Variants in DNAAF9 observed in about 807,000 individuals in gnomAD.
The protein encoded by DNAAF9 is shulin.
DNAAF9 carries 90 observed loss-of-function variants against 167.0 expected under a neutral mutation model. The ratio of observed to expected loss-of-function variants is 0.54; its 90% confidence interval spans 0.45 to 0.64. DNAAF9 has a LOEUF of 0.64. Ranked by LOEUF, DNAAF9 falls within the 30% of genes least tolerant of loss-of-function variation. The pLI, the probability that DNAAF9 is intolerant of heterozygous loss-of-function variation, is 0.00. For missense variants in DNAAF9, 1,315 were observed against 1,442.2 expected (o/e 0.91, Z 1.43); for synonymous variants, 491 against 508.8 (o/e 0.96, Z 0.47).
intron 29 of DNAAF9, among the ~76,000 whole-genome samples, chr20:3,271,655 C>CT (rs2068595336): frequency 6.8e-6 from 1 of 147,190 alleles, no homozygotes; most frequent in Non-Finnish European, 1.5e-5. Flanking sequence ...GAGTTTCACT[C>CT]TTGTTGTCCA....
At chr20:3,313,435 G>GA (rs1347673571) in intron 20 of DNAAF9, among the ~76,000 whole-genome samples, 5 of 152,190 alleles carry the variant, frequency 3.3e-5, no homozygotes, top group African/African-American at 4.8e-5. Context: ...CCACCGGATA[G>GA]AATATTTTCA....
chr20:3,367,878 GC>G (rs1396398351), intron 6 of DNAAF9, among the ~76,000 whole-genome samples: 1 of 149,652 alleles, frequency 6.7e-6, no homozygotes, highest in Non-Finnish European at 1.5e-5. Flanking sequence ...CAACAGGCTT[GC>G]TGGATGCAGG....
chr20:3,374,814 G>A (rs2083553889), intron 5 of DNAAF9, among the ~76,000 whole-genome samples: 2 of 152,144 alleles, frequency 1.3e-5, no homozygotes, highest in South Asian at 4.1e-4. Context: ...TCTTCTACCT[G>A]ATTTTGGGCA....
intron 7 of DNAAF9, among the ~76,000 whole-genome samples, chr20:3,354,679 AC>A (rs2083261375): frequency 6.6e-6 from 1 of 152,230 alleles, no homozygotes; most frequent in Non-Finnish European, 1.5e-5. Context: ...ATCTCTGATT[AC>A]CACACATGAC....
In DNAAF9 at chr20:3,294,199, A is replaced by G. The variant is rs774568524; in HGVS notation, c.2178T>C (p.His726=). 1.5e-5 allele frequency: 24 copies of G among 1,613,366 alleles called. No homozygotes were observed. Among genetic ancestry groups the G allele is most frequent in the Non-Finnish European group, 2.0e-5 (24 of 1,179,446 alleles). ...SISQEPVMRT[H]LPVLLQQAEI... The stretch of plus-strand genomic sequence containing the variant: ...CAGCTTGCTGCAGCAGCACAGGAAG[A>G]TGGGTCCGCATCACAGGCTCCTGGC... Residue 726 remains histidine, a synonymous_variant, in exon 25 of 37, where the codon CAT becomes CAC. Coordinates refer to ENST00000252032, the MANE Select transcript of DNAAF9 (RefSeq NM_001009984.3).
intron 23 of DNAAF9, among the ~76,000 whole-genome samples, chr20:3,295,020 C>T (rs1341501650): frequency 6.6e-6 from 1 of 151,798 alleles, no homozygotes; most frequent in African/African-American, 2.4e-5. Flanking sequence ...TGCCTGCCAC[C>T]ACGCCCAACT....
chr20:3,353,684 T>C (rs1568623378), intron 7 of DNAAF9, among the ~76,000 whole-genome samples: 1 of 139,324 alleles, frequency 7.2e-6, no homozygotes, highest in Non-Finnish European at 1.5e-5. Flanking sequence ...ACACACTGTG[T>C]TTCAATTCTA....
intron 17 of DNAAF9, among the ~76,000 whole-genome samples, chr20:3,317,747 C>T (rs1193157931): frequency 2.0e-5 from 3 of 152,064 alleles, no homozygotes; most frequent in African/African-American, 7.2e-5. Context: ...CAGGCACCCA[C>T]CACCATGCCC....
intron 6 of DNAAF9, among the ~76,000 whole-genome samples, chr20:3,363,050 G>A (rs567176348): frequency 1.2e-4 from 19 of 152,194 alleles, no homozygotes; most frequent in Non-Finnish European, 2.1e-4. Flanking sequence ...CCAACATGGT[G>A]AAAGCCCGTC....
intron 30 of DNAAF9, among the ~76,000 whole-genome samples, chr20:3,266,586 TC>T (rs1480938753): frequency 6.6e-6 from 1 of 151,976 alleles, no homozygotes; most frequent in Non-Finnish European, 1.5e-5. Flanking sequence ...TACGCCATTC[TC>T]CTGCCTCAGC....
chr20:3,270,283 T>C (rs2068570305), intron 30 of DNAAF9, 144 bp downstream of exon 30: 2 of 688,458 alleles, frequency 2.9e-6, no homozygotes, highest in Admixed American at 2.4e-5. Flanking sequence ...GCTGGGACTA[T>C]AGGTGCGTGC....
At chr20:3,288,595 T>C (rs2122895212) in intron 26 of DNAAF9, among the ~76,000 whole-genome samples, 1 of 152,298 alleles carries the variant, frequency 6.6e-6, no homozygotes, top group Middle Eastern at 3.4e-3. Flanking sequence ...TGCCTCCCCA[T>C]TCTCCACAAT....
chr20:3,353,108 GATAT>G (rs10687919), intron 7 of DNAAF9, among the ~76,000 whole-genome samples: 3 of 148,126 alleles, frequency 2.0e-5, no homozygotes, highest in Non-Finnish European at 4.5e-5. Flanking sequence ...AATATATACA[GATAT>G]ATATAACATA....
At chr20:3,285,161 C>T (rs949481340) in intron 27 of DNAAF9, among the ~76,000 whole-genome samples, 4 of 152,186 alleles carry the variant, frequency 2.6e-5, no homozygotes, top group Admixed American at 6.5e-5. Flanking sequence ...ATTGCCCCAC[C>T]GCTTCACTAA....
chr20:3,252,802 T>C, intron 36 of DNAAF9, 118 bp from the exon 37 acceptor site: 4 of 698,710 alleles, frequency 5.7e-6, no homozygotes, highest in South Asian at 4.9e-5. Context: ...GTCTGGCCCA[T>C]AGAGAGGGAA....
intron 8 of DNAAF9, among the ~76,000 whole-genome samples, chr20:3,345,112 A>T (rs1478693383): frequency 6.6e-6 from 1 of 152,054 alleles, no homozygotes; most frequent in Non-Finnish European, 1.5e-5. Flanking sequence ...TTCGCCTCCC[A>T]GGTTCAAGCA....
intron 1 of DNAAF9, among the ~76,000 whole-genome samples, chr20:3,405,297 C>T (rs2084040375): frequency 6.6e-6 from 1 of 152,188 alleles, no homozygotes; most frequent in Non-Finnish European, 1.5e-5. Flanking sequence ...GAACCATACA[C>T]TTGCAGAGTA....
In DNAAF9 at chr20:3,278,904, T is replaced by C; in HGVS notation, c.2650+8A>G. On this transcript the variant is annotated splice_region_variant and intron_variant, in intron 29 of 36. Coordinates refer to ENST00000252032, the MANE Select transcript of DNAAF9 (RefSeq NM_001009984.3). ...GCATGCAGGCTGAAAATAAAGTATA[T>C]TACTTACCTTGTGAACACTGGTCAA... is the stretch of plus-strand genomic sequence containing the variant. 1.3e-6 allele frequency: 2 copies of C among 1,582,908 alleles called. No homozygotes were observed. The highest frequency in any genetic ancestry group is 1.7e-6 in the Non-Finnish European group (2 of 1,151,530).
chr20:3,318,356 A>G lies in DNAAF9; in HGVS notation c.1401T>C (p.Asn467=). 6.2e-7 allele frequency: 1 copy of G among 1,607,066 alleles called. No individual in the cohort carries two copies. The highest frequency in any genetic ancestry group is 8.5e-7 in the Non-Finnish European group (1 of 1,173,776). ...AGAAAACCACAGATCCTAAACAACC[A>G]TTGCCTCCCAGTAAGTCAGGAATGT... The part of the protein sequence containing the change: ...VYDIPDLLGG[N]GCLGSVVFSE... The change falls in exon 17 of 37, where the codon AAT becomes AAC. Residue 467 remains asparagine (N), a synonymous_variant. Coordinates refer to ENST00000252032, the MANE Select transcript of DNAAF9 (RefSeq NM_001009984.3).
Sources: allele counts gnomAD v4.1 joint callset (sites outside exome capture counted in the v4.1 genomes callset), GRCh38; gene constraint gnomAD v4.1.1; transcripts MANE v1.5; gene names NCBI Gene and HGNC (gene_info 2026-07-23, HGNC 2026-07-21).